Variants in RASA3 observed in about 807,000 individuals in gnomAD.
RASA3 encodes ras GTPase-activating protein 3.
Under a neutral mutation model 110.0 loss-of-function variants are expected in RASA3, and 73 were observed. The observed-to-expected ratio is 0.66, with a 90% CI of 0.55 to 0.81. The LOEUF (loss-of-function observed/expected upper bound fraction) is 0.81. Among genes scored for constraint, RASA3 ranks in the 30% least tolerant of loss-of-function variants. The pLI, the probability that RASA3 is intolerant of heterozygous loss-of-function variation, is 0.00. For synonymous variants in RASA3, 500 were observed against 451.4 expected, an observed-to-expected ratio of 1.11 and a Z score of -1.37; for missense variants, 976 against 1,113.2, an observed-to-expected ratio of 0.88 and a Z score of 1.75.
intron 13 of RASA3, among the ~76,000 whole-genome samples, chr13:114,015,664 C>T (rs2053774467): frequency 6.6e-6 from 1 of 152,258 alleles, no homozygotes; most frequent in African/African-American, 2.4e-5. Flanking sequence ...AAACAGCACG[C>T]TCTGCAAGAA....
Position 114,089,164 on chromosome 13 carries a change from A to G in RASA3, c.56-15327T>C, listed in dbSNP as rs566148977. Among the ~76,000 whole-genome samples the G allele has an allele frequency of 6.6e-5, 10 of 151,892 alleles. No homozygotes were observed. In the East Asian group the frequency reaches 1.8e-3, roughly 27 times the overall value. On this transcript the variant is annotated intron_variant, in intron 1 of 23. Transcript: ENST00000334062. Reference sequence around the variant, plus strand: ...TGCACTTTCTGCTACTTGCACAGCAATTTCTAATAGTTCTCATTAGAGGGG... The same window carrying G: ...TGCACTTTCTGCTACTTGCACAGCAGTTTCTAATAGTTCTCATTAGAGGGG...
intron 22 of RASA3, 125 bp downstream of exon 22, chr13:113,992,360 C>G: frequency 2.9e-6 from 2 of 680,858 alleles, no homozygotes; most frequent in Non-Finnish European, 5.0e-6. Flanking sequence ...ACAAAGACAA[C>G]TACATGTAGC....
In RASA3 at chr13:114,057,178, T is replaced by C. The variant is rs1324604655; in HGVS notation, c.174-5023A>G. 2.0e-6 allele frequency: 2 copies of C among 979,646 alleles called. No individual in the cohort carries two copies. The highest frequency in any genetic ancestry group is 2.4e-6 in the Non-Finnish European group (2 of 824,828). 60.7% of individuals were successfully genotyped at this position (979,646 alleles called of 1,614,324 possible). On this transcript the variant is annotated intron_variant, in intron 2 of 23. Transcript: ENST00000334062. The surrounding 1 kb of genome is among the most constrained non-coding windows in gnomAD (Gnocchi z 5.0). ...GGTTCCAATTGCCTATTTTAATGTT[T>C]TTCTTCTTATTTCATATAACTTTTT...
Position 114,011,187 on chromosome 13 carries a change from A to G in RASA3, c.1574T>C (p.Leu525Pro), listed in dbSNP as rs1021920170. 6.2e-7 allele frequency: 1 copy of G among 1,612,466 alleles called. No homozygotes were observed. Among genetic ancestry groups the G allele is most frequent in the Non-Finnish European group, 8.5e-7 (1 of 1,179,246 alleles). Residue 525 changes from leucine to proline, a missense_variant, in exon 16 of 24, where the codon CTG becomes CCG. Physicochemically the swap from Leu to Pro is moderately conservative, Grantham distance 98. Around this residue, in one of 4 missense-constraint regions of RASA3, gnomAD observed 732 missense variants for 779.7 expected, o/e 0.94. Coordinates refer to ENST00000334062, the MANE Select transcript of RASA3 (RefSeq NM_007368.4). This position sits in a 1 kb window ranked among gnomAD's most constrained non-coding sequence, Gnocchi z 4.8. ...GGGACTCACAGATTTGGACTTGGAC[A>G]GGCTGCCGAGGGTCTGAACGGTCTT... The part of the protein sequence containing the change: ...ISKTVQTLGS[L>P]SKSKSASFKE...
Position 114,011,046 on chromosome 13 carries a change from C to A in RASA3, c.1590+125G>T, listed in dbSNP as rs187019065. 1.0e-4 allele frequency: 92 copies of A among 915,660 alleles called. 1 individual carries two copies. In the African/African-American group the frequency reaches 1.3e-3, roughly 13 times the overall value. 56.7% of individuals were successfully genotyped at this position (915,660 alleles called of 1,614,324 possible). A position where few individuals can be genotyped will look rare whatever the true frequency, so the allele number is the denominator to read the frequency against. ...TGGGTTTCAAGAGAGGATGTGGTGCCGGCTTTGATTCTTGATCTTTATCTT... is the reference window on the plus strand; with the variant it reads ...TGGGTTTCAAGAGAGGATGTGGTGCAGGCTTTGATTCTTGATCTTTATCTT... On this transcript the variant is annotated intron_variant, in intron 16 of 23. Transcript: ENST00000334062. The surrounding 1 kb of genome is among the most constrained non-coding windows in gnomAD (Gnocchi z 4.8).
intron 9 of RASA3, among the ~76,000 whole-genome samples, chr13:114,019,696 A>T (rs2053876136): frequency 6.9e-6 from 1 of 144,766 alleles, no homozygotes; most frequent in Non-Finnish European, 1.5e-5. Context: ...CCTGTGCCTG[A>T]GGCATTAGCC....
chr13:114,020,508 G>A (rs1303523921), intron 9 of RASA3, among the ~76,000 whole-genome samples: 1 of 152,234 alleles, frequency 6.6e-6, no homozygotes. Flanking sequence ...TTTCTGGGAT[G>A]GAAACCTGCC....
chr13:114,016,620 C>T (rs958900487), intron 12 of RASA3, among the ~76,000 whole-genome samples: 1 of 152,352 alleles, frequency 6.6e-6, no homozygotes, highest in East Asian at 1.9e-4. Flanking sequence ...GATGTGCGCC[C>T]GCGATCAGAC....
At chr13:114,095,419 G>A (rs1470681718) in intron 1 of RASA3, among the ~76,000 whole-genome samples, 2 of 152,000 alleles carry the variant, frequency 1.3e-5, no homozygotes, top group Non-Finnish European at 2.9e-5. Flanking sequence ...ACAGTCCCTG[G>A]CATCCATTAA....
chr13:114,050,752 CCT>C (rs143632562), intron 3 of RASA3, among the ~76,000 whole-genome samples: 23 of 152,138 alleles, frequency 1.5e-4, no homozygotes, highest in Admixed American at 2.0e-4. Context: ...TCTCATGCCC[CCT>C]CTCTCTCTCA....
intron 1 of RASA3, among the ~76,000 whole-genome samples, chr13:114,083,029 T>C (rs761879041): frequency 3.3e-5 from 5 of 152,190 alleles, no homozygotes; most frequent in Non-Finnish European, 5.9e-5. Context: ...TCTCAAAAAG[T>C]GCGTCATCAC....
intron 4 of RASA3, among the ~76,000 whole-genome samples, chr13:114,031,496 G>A (rs6560953): frequency 0.7 from 105,855 of 151,164 alleles, 37,745 homozygotes; most frequent in African/African-American, 0.85. Flanking sequence ...GTGTGTGCGC[G>A]ACTGTGTCTG....
intron 23 of RASA3, among the ~76,000 whole-genome samples, chr13:113,981,168 G>C (rs541653572): frequency 6.6e-6 from 1 of 152,216 alleles, no homozygotes; most frequent in Non-Finnish European, 1.5e-5. Context: ...CATGGAGTGA[G>C]GGGGAGTGGA....
In RASA3 at chr13:114,024,487, C is replaced by T. The variant is rs899292982; in HGVS notation, c.604-132G>A. 1.9e-4 allele frequency: 150 copies of T among 794,770 alleles called. 2 individuals carry two copies. The highest frequency in any genetic ancestry group is 4.1e-4 in the South Asian group (28 of 67,930). 49.2% of individuals were successfully genotyped at this position (794,770 alleles called of 1,614,324 possible). A position where few individuals can be genotyped will look rare whatever the true frequency, so the allele number is the denominator to read the frequency against. On this transcript the variant is annotated intron_variant, in intron 7 of 23. Transcript: ENST00000334062. ...CACTCAAGGGCCACAACCAGGAAGGCGCCAGGCGGGATTCGGGATTCAGGC... is the reference window on the plus strand; with the variant it reads ...CACTCAAGGGCCACAACCAGGAAGGTGCCAGGCGGGATTCGGGATTCAGGC...
In RASA3 at chr13:114,018,175, C is replaced by A; in HGVS notation, c.1020G>T (p.Arg340=). Residue 340 remains arginine (R), a synonymous_variant, in exon 11 of 24, where the codon CGG becomes CGT. Transcript: ENST00000334062. ...EKQEAAVPLV[R]LFLHYGRVVP... ...CCACCCTGCCATAGTGTAGGAAGAG[C>A]CGCACCAGCGGGACGGCCGCCTCCT... The A allele has an allele frequency of 6.4e-7, 1 of 1,551,502 alleles. No individual in the cohort carries two copies. Among genetic ancestry groups the A allele is most frequent in the South Asian group, 1.2e-5 (1 of 84,102 alleles).
intron 1 of RASA3, among the ~76,000 whole-genome samples, chr13:114,090,988 G>A (rs559518247): frequency 1.1e-4 from 17 of 152,186 alleles, no homozygotes; most frequent in African/African-American, 3.9e-4. Context: ...AGAAATGCAT[G>A]GTAGAAAACT....
intron 3 of RASA3, among the ~76,000 whole-genome samples, chr13:114,041,713 A>G (rs1345862659): frequency 6.6e-6 from 1 of 152,270 alleles, no homozygotes; most frequent in Non-Finnish European, 1.5e-5. Flanking sequence ...ACGTGTGTGC[A>G]TGCATGTGGG....
At chr13:114,079,770 C>T (rs9562225) in intron 1 of RASA3, among the ~76,000 whole-genome samples, 26,941 of 152,146 alleles carry the variant, frequency 0.18, 2,539 homozygotes, top group Admixed American at 0.23. Context: ...GGCTCCTGTT[C>T]GCCTCTGGAC....
intron 3 of RASA3, among the ~76,000 whole-genome samples, chr13:114,042,953 G>A (rs1380476688): frequency 6.6e-6 from 1 of 152,180 alleles, no homozygotes; most frequent in African/African-American, 2.4e-5. Context: ...CTGCCTTCCT[G>A]CCAGCGTTCC....
Sources: allele counts gnomAD v4.1 joint callset (sites outside exome capture counted in the v4.1 genomes callset), GRCh38; gene constraint gnomAD v4.1.1; regional missense constraint gnomAD v4.1.1; non-coding constraint Gnocchi (gnomAD v3.1); transcripts MANE v1.5; gene names NCBI Gene and HGNC (gene_info 2026-07-23, HGNC 2026-07-21).